PDE5A: variants seen among roughly 807,000 people sequenced by gnomAD.
PDE5A encodes the protein phosphodiesterase 5A.
In PDE5A, 67 loss-of-function variants were observed where a neutral mutation model predicts 110.2. The observed-to-expected ratio is 0.61, with a 90% CI of 0.50 to 0.75. The LOEUF is 0.75. Ranked by LOEUF, PDE5A falls within the 30% of genes least tolerant of loss-of-function variation. The pLI, the probability that PDE5A is intolerant of heterozygous loss-of-function variation, is 0.00. For synonymous variants in PDE5A, 328 were observed against 351.2 expected (o/e 0.93, Z 0.74); for missense variants, 862 against 1,045.1 (o/e 0.82, Z 2.42).
chr4:119,562,716 C>T, intron 6 of PDE5A, 117 bp downstream of exon 6: 1 of 728,478 alleles, frequency 1.4e-6, no homozygotes, highest in Non-Finnish European at 2.2e-6. Flanking sequence ...TATACATATT[C>T]ATACACATTT....
Position 119,607,293 on chromosome 4 carries a change from T to C in PDE5A, c.157A>G (p.Met53Val), listed in dbSNP as rs781550810. Residue 53 changes from methionine to valine, a missense_variant, in exon 2 of 21, where the codon ATG becomes GTG. By Grantham distance (21) the Met-to-Val change is conservative (BLOSUM62 1). Coordinates refer to ENST00000354960, the MANE Select transcript of PDE5A (RefSeq NM_001083.4). ...SYFVRKATREMVNAWFAERVH... is the reference protein window; with the variant it reads ...SYFVRKATREVVNAWFAERVH... Reference sequence around the variant, plus strand: ...CTCTCAGCAAACCATGCATTGACCATTTCTCTGCAGAACAGAACGTGCAGA... The same window carrying C: ...CTCTCAGCAAACCATGCATTGACCACTTCTCTGCAGAACAGAACGTGCAGA... The C allele has an allele frequency of 1.2e-6, 2 of 1,605,772 alleles. No homozygotes were observed. Among genetic ancestry groups the C allele is most frequent in the Non-Finnish European group, 1.7e-6 (2 of 1,177,214 alleles).
intron 12 of PDE5A, among the ~76,000 whole-genome samples, chr4:119,521,907 A>G (rs969705331): frequency 3.3e-5 from 5 of 152,006 alleles, no homozygotes; most frequent in African/African-American, 9.7e-5. Flanking sequence ...GTGATTTACT[A>G]TACTTTTGGG....
chr4:119,566,254 G>A (rs1256065956), intron 4 of PDE5A, among the ~76,000 whole-genome samples: 3 of 152,090 alleles, frequency 2.0e-5, no homozygotes, highest in African/African-American at 7.2e-5. Flanking sequence ...GAGCAACACA[G>A]GTGCCAACCT....
chr4:119,590,706 GTTGA>G (rs1728935556), intron 3 of PDE5A, among the ~76,000 whole-genome samples: 1 of 152,152 alleles, frequency 6.6e-6, no homozygotes, highest in Non-Finnish European at 1.5e-5. Context: ...TTTTTAATTA[GTTGA>G]AATACTTTAC....
chr4:119,628,552 A>G lies in PDE5A; in HGVS notation c.120T>C (p.Phe40=). Residue 40 remains phenylalanine (F), a synonymous_variant, in exon 1 of 21, where the codon TTT becomes TTC. Coordinates refer to ENST00000354960, the MANE Select transcript of PDE5A (RefSeq NM_001083.4). ...CTTTTCTAACAAAGTATGAGAAGGT[A>G]AAGTCCCAGTGATCGTCCAGCCATG... The part of the protein sequence containing the change: ...VEAWLDDHWD[F]TFSYFVRKAT... 1.9e-6 allele frequency: 3 copies of G among 1,602,086 alleles called. No individual in the cohort carries two copies. The highest frequency in any genetic ancestry group is 2.6e-6 in the Non-Finnish European group (3 of 1,171,716).
intron 1 of PDE5A, 129 bp downstream of exon 1, chr4:119,628,391 G>A (rs1730439047): frequency 3.0e-6 from 2 of 666,410 alleles, no homozygotes; most frequent in Non-Finnish European, 5.0e-6. Flanking sequence ...TAGAGTTGAG[G>A]TTTCTACCTC....
intron 3 of PDE5A, 80 bp downstream of exon 3, chr4:119,596,443 A>T: frequency 1.8e-5 from 12 of 651,874 alleles, no homozygotes; most frequent in Non-Finnish European, 2.6e-5. Context: ...TATTTCATAT[A>T]TATGCAAAGT....
intron 1 of PDE5A, among the ~76,000 whole-genome samples, chr4:119,624,902 T>C (rs973537124): frequency 6.6e-5 from 10 of 152,236 alleles, no homozygotes; most frequent in African/African-American, 1.9e-4. Context: ...ATGTGATTTA[T>C]TGGCCTCAAA....
At position 119,519,125 on chromosome 4, in the gene PDE5A, G is replaced by C; in HGVS notation, c.1920C>G (p.Asp640Glu). 5.6e-6 allele frequency: 9 copies of C among 1,613,394 alleles called. No individual in the cohort carries two copies. Among genetic ancestry groups the C allele is most frequent in the Non-Finnish European group, 7.6e-6 (9 of 1,179,376 alleles). Residue 640 changes from aspartate (D) to glutamate (E), a missense_variant, in exon 14 of 21, where the codon GAC (aspartate) becomes GAG (glutamate). Transcript: ENST00000354960. The stretch of plus-strand genomic sequence containing the variant: ...CAATCAGCAATGCAAGTATCTCCAG[G>C]TCAGTCAGCTTGTTCTGCATGACCA... ...KAGKIQNKLT[D>E]LEILALLIAA... is the part of the protein sequence containing the mutation.
chr4:119,608,635 A>T (rs1729626479), intron 1 of PDE5A, among the ~76,000 whole-genome samples: 1 of 152,246 alleles, frequency 6.6e-6, no homozygotes, highest in Non-Finnish European at 1.5e-5. Flanking sequence ...TTCTGATAAG[A>T]CATGACGCTT....
At chr4:119,506,835 G>A (rs1375885896) in intron 16 of PDE5A, among the ~76,000 whole-genome samples, 1 of 151,904 alleles carries the variant, frequency 6.6e-6, no homozygotes, top group Non-Finnish European at 1.5e-5. Flanking sequence ...ATATCTGGCA[G>A]ATGTTTTTGT....
At chr4:119,548,456 AT>A (rs1431834832) in intron 9 of PDE5A, 1 of 152,230 alleles carries the variant, frequency 6.6e-6, no homozygotes, top group Non-Finnish European at 1.5e-5. Flanking sequence ...ATTTTACTCA[AT>A]GAAAGGTGAT....
At position 119,555,627 on chromosome 4, in the gene PDE5A, CTAT is replaced by C. The variant is rs546849580; in HGVS notation, c.1200-1884_1200-1882del. Among the ~76,000 whole-genome samples the C allele has an allele frequency of 3.5e-4, 53 of 151,928 alleles. No homozygotes were observed. In the South Asian group the frequency reaches 0.01, roughly 29 times the overall value. On this transcript the variant is annotated intron_variant, in intron 7 of 20. Transcript: ENST00000354960. ...AAAATGATAATTATCATATCAATAA[CTAT>C]TATTATTCTTCATCATCATTATTTT...
chr4:119,506,019 T>C, intron 16 of PDE5A, 87 bp from the exon 17 acceptor site: 1 of 638,224 alleles, frequency 1.6e-6, no homozygotes, highest in Non-Finnish European at 2.6e-6. Context: ...GACTAAATTT[T>C]GGTGAAAAAA....
chr4:119,538,805 A>C, intron 11 of PDE5A, 155 bp downstream of exon 11: 2 of 679,686 alleles, frequency 2.9e-6, no homozygotes, highest in Non-Finnish European at 5.3e-6. Flanking sequence ...TAAGTTATTT[A>C]ATGCCTTTTG....
At position 119,553,784 on chromosome 4, in the gene PDE5A, TA is replaced by T. The variant is rs560265803; in HGVS notation, c.1200-39del. 1.0e-3 allele frequency: 1,047 copies of T among 1,039,714 alleles called. 4 individuals carry two copies. Among genetic ancestry groups the T allele is most frequent in the Non-Finnish European group, 1.5e-3 (983 of 673,534 alleles). 64.4% of individuals were successfully genotyped at this position (1,039,714 alleles called of 1,614,324 possible). On this transcript the variant is annotated intron_variant, in intron 7 of 20. Coordinates refer to ENST00000354960, the MANE Select transcript of PDE5A (RefSeq NM_001083.4). ...CAGATATGAGTTCCCTCTGTGCAGTTAAAAAAAAGCATGGGCAAACAGTTAA... is the reference window on the plus strand; with the variant it reads ...CAGATATGAGTTCCCTCTGTGCAGTTAAAAAAAGCATGGGCAAACAGTTAA...
At chr4:119,541,111 G>A (rs1433121058) in intron 10 of PDE5A, among the ~76,000 whole-genome samples, 3 of 152,022 alleles carry the variant, frequency 2.0e-5, no homozygotes, top group East Asian at 1.9e-4. Flanking sequence ...GAGTGATAAT[G>A]GTCATGGGTT....
Position 119,627,055 on chromosome 4 carries a change from A to G in PDE5A, c.152+1465T>C, listed in dbSNP as rs1325062228. On this transcript the variant is annotated intron_variant, in intron 1 of 20. Coordinates refer to ENST00000354960, the MANE Select transcript of PDE5A (RefSeq NM_001083.4). This position sits in a 1 kb window ranked among gnomAD's most constrained non-coding sequence, Gnocchi z 4.6. ...TCAATTTTCAATGATACATCGTCCC[A>G]CTGGTGCCACCGGGGCGCCACCACC... 41 of 1,388,876 alleles carry G rather than the reference A, an allele frequency of 3.0e-5. No homozygotes were observed. The South Asian group carries it at 3.9e-4, about 13-fold the overall frequency. The allele number at this position is 1,388,876 out of a possible 1,614,324, so 86.0% of individuals were successfully genotyped here.
intron 3 of PDE5A, among the ~76,000 whole-genome samples, chr4:119,571,561 A>G (rs565337474): frequency 9.2e-5 from 14 of 152,334 alleles, no homozygotes; most frequent in Non-Finnish European, 1.5e-4. Flanking sequence ...GACTCCACAC[A>G]GAAACACAGC....
Sources: gnomAD v4.1 joint callset for allele counts (sites outside exome capture counted in the v4.1 genomes callset) on GRCh38, gnomAD v4.1.1 for gene constraint, Gnocchi (gnomAD v3.1) non-coding constraint, MANE v1.5 for transcripts, NCBI Gene and HGNC (gene_info 2026-07-23, HGNC 2026-07-21) for gene names.